PPP6R2: variants seen among roughly 807,000 people sequenced by gnomAD.
PPP6R2 encodes the protein serine/threonine-protein phosphatase 6 regulatory subunit 2.
In PPP6R2, 62 loss-of-function variants were observed where a neutral mutation model predicts 100.2. The observed-to-expected ratio is 0.62, with a 90% CI of 0.50 to 0.76. PPP6R2 has a LOEUF of 0.76. Ranked by LOEUF, PPP6R2 falls within the 30% of genes least tolerant of loss-of-function variation. The pLI is 0.00. For synonymous variants in PPP6R2, 525 were observed against 514.7 expected, an observed-to-expected ratio of 1.02 and a Z score of -0.27; for missense variants, 1,142 against 1,276.3, an observed-to-expected ratio of 0.89 and a Z score of 1.60.
chr22:50,439,719 T>A lies in PPP6R2; in HGVS notation c.2147T>A (p.Val716Glu). The A allele has an allele frequency of 6.2e-7, 1 of 1,606,012 alleles. No individual in the cohort carries two copies. The highest frequency in any genetic ancestry group is 2.2e-5 in the East Asian group (1 of 44,494). Residue 716 changes from valine (V) to glutamate (E), a missense_variant, in exon 20 of 24, where the codon GTG (valine) becomes GAG (glutamate). Val to Glu is a moderately radical substitution (Grantham distance 121, BLOSUM62 -2). Coordinates refer to ENST00000612753, the MANE Select transcript of PPP6R2 (RefSeq NM_001242898.2). ...GDSEGAMWTA[V>E]FDEPANSTPT... Reference sequence around the variant, plus strand: ...CCAGCAGGCGCCATGTGGACGGCAGTGTTTGATGAGCCAGCGAACTCAACG... The same window carrying A: ...CCAGCAGGCGCCATGTGGACGGCAGAGTTTGATGAGCCAGCGAACTCAACG...
In PPP6R2 at chr22:50,357,872, C is replaced by T. The variant is rs145473867; in HGVS notation, c.-147-14148C>T. ...AACTCCTGACCTCGTGATTCGTCCT[C>T]CTTGGCCTTCCAAAGTGCCGGGATT... On this transcript the variant is annotated intron_variant, in intron 1 of 23. Transcript: ENST00000612753. 1.8e-3 allele frequency among the ~76,000 whole-genome samples: 274 copies of T among 152,068 alleles called. 1 individual carries two copies. Among genetic ancestry groups the T allele is most frequent in the African/African-American group, 6.3e-3 (260 of 41,478 alleles).
intron 2 of PPP6R2, among the ~76,000 whole-genome samples, chr22:50,373,636 T>C (rs1388376071): frequency 6.6e-6 from 1 of 152,058 alleles, no homozygotes; most frequent in Admixed American, 6.6e-5. Context: ...ACCACAACCA[T>C]GTACACCTAG....
chr22:50,390,284 G>A (rs927464102), intron 2 of PPP6R2, among the ~76,000 whole-genome samples: 4 of 152,042 alleles, frequency 2.6e-5, no homozygotes, highest in Non-Finnish European at 5.9e-5. Context: ...GAGCCACCGC[G>A]CCCAGCCCAT....
chr22:50,424,625 C>G (rs552941970), intron 10 of PPP6R2, among the ~76,000 whole-genome samples: 1 of 132,252 alleles, frequency 7.6e-6, no homozygotes, highest in South Asian at 2.5e-4. Flanking sequence ...TTCCTTTTCC[C>G]TCTTCTTCTT....
At chr22:50,381,672 G>A (rs1277553613) in intron 2 of PPP6R2, among the ~76,000 whole-genome samples, 1 of 152,200 alleles carries the variant, frequency 6.6e-6, no homozygotes, top group Non-Finnish European at 1.5e-5. Flanking sequence ...TGTAATCCCA[G>A]CACTTTGGGA....
At position 50,440,802 on chromosome 22, in the gene PPP6R2, A is replaced by G. The variant is rs764870126; in HGVS notation, c.2375-20A>G. On this transcript the variant is annotated intron_variant, in intron 21 of 23. Transcript: ENST00000612753. ...GACCCCTCCTGCCTCACTGGACAGC[A>G]CAGGCCTCCTACTTTGCAGTCAGCC... 5.6e-6 allele frequency: 9 copies of G among 1,612,378 alleles called. No individual in the cohort carries two copies. Among genetic ancestry groups the G allele is most frequent in the Non-Finnish European group, 7.6e-6 (9 of 1,179,924 alleles).
chr22:50,409,653 C>G (rs2059463717), intron 4 of PPP6R2, among the ~76,000 whole-genome samples: 1 of 152,214 alleles, frequency 6.6e-6, no homozygotes, highest in South Asian at 2.1e-4. Flanking sequence ...GTCTCAATCT[C>G]TTGACCTCGT....
intron 1 of PPP6R2, among the ~76,000 whole-genome samples, chr22:50,364,902 T>C (rs1453099896): frequency 6.6e-6 from 1 of 152,188 alleles, no homozygotes; most frequent in African/African-American, 2.4e-5. Context: ...CTTTATTCCC[T>C]GTTTGTCTTT....
intron 3 of PPP6R2, among the ~76,000 whole-genome samples, chr22:50,402,075 C>G (rs2058140806): frequency 6.6e-6 from 1 of 152,126 alleles, no homozygotes; most frequent in Non-Finnish European, 1.5e-5. Context: ...GTTCTCTACA[C>G]TTGCTCTCCT....
intron 2 of PPP6R2, among the ~76,000 whole-genome samples, chr22:50,382,481 C>A (rs1269914822): frequency 6.6e-6 from 1 of 150,856 alleles, no homozygotes; most frequent in Non-Finnish European, 1.5e-5. Context: ...GCCTGTAATC[C>A]CAGGCCTGGG....
At chr22:50,419,104 A>G in intron 7 of PPP6R2, 125 bp downstream of exon 7, 1 of 832,384 alleles carries the variant, frequency 1.2e-6, no homozygotes, top group Non-Finnish European at 1.9e-6. Flanking sequence ...AATGAACCCC[A>G]GGTTCAGAGC....
At position 50,444,388 on chromosome 22, in the gene PPP6R2, A is replaced by C; in HGVS notation, c.*141A>C. ...TGCATTGGTAAAGCTGGCAGTTGAA[A>C]CCAGTTGGACGGCCCAGCTTGCGTC... On this transcript the variant is annotated 3_prime_UTR_variant, in exon 24 of 24. Transcript: ENST00000612753. The C allele has an allele frequency of 1.8e-6, 2 of 1,137,652 alleles. No homozygotes were observed. Among genetic ancestry groups the C allele is most frequent in the East Asian group, 2.6e-5 (1 of 38,370 alleles). The allele number at this position is 1,137,652 out of a possible 1,614,324, so 70.5% of individuals were successfully genotyped here.
At chr22:50,355,826 T>A (rs117017854) in intron 1 of PPP6R2, among the ~76,000 whole-genome samples, 13,025 of 151,336 alleles carry the variant, frequency 0.086, 801 homozygotes, top group East Asian at 0.19. Context: ...TGGCACAGCC[T>A]TATTCTTTAA....
At chr22:50,382,963 G>C (rs538369718) in intron 2 of PPP6R2, among the ~76,000 whole-genome samples, 2 of 151,352 alleles carry the variant, frequency 1.3e-5, no homozygotes, top group East Asian at 3.9e-4. Flanking sequence ...TCAGTCTCCC[G>C]AGTAGCTGTG....
chr22:50,414,735 A>C, intron 5 of PPP6R2, 46 bp downstream of exon 5: 4 of 1,589,446 alleles, frequency 2.5e-6, no homozygotes, highest in Non-Finnish European at 3.4e-6. Context: ...GGGGTGCTGC[A>C]GGAAGCCAGC....
At position 50,443,843 on chromosome 22, in the gene PPP6R2, C is replaced by T. The variant is rs182962104; in HGVS notation, c.2580-23C>T. 273 of 1,555,886 alleles carry T rather than the reference C, an allele frequency of 1.8e-4. 1 individual carries two copies. The African/African-American group carries it at 3.0e-3, about 17-fold the overall frequency. ...CACTGAGGGTGGGGGTGCCCGTAAC[C>T]GGAGTCCATGTTTGCCACACAGGGT... On this transcript the variant is annotated intron_variant, in intron 22 of 23. Transcript: ENST00000612753.
At chr22:50,424,695 T>C (rs1011659595) in intron 10 of PPP6R2, among the ~76,000 whole-genome samples, 2 of 135,400 alleles carry the variant, frequency 1.5e-5, no homozygotes, top group African/African-American at 2.7e-5. Flanking sequence ...TGGAGTGCAG[T>C]GGCGGGACCT....
At chr22:50,372,788 A>T (rs2050549376) in intron 2 of PPP6R2, among the ~76,000 whole-genome samples, 1 of 151,528 alleles carries the variant, frequency 6.6e-6, no homozygotes, top group African/African-American at 2.4e-5. Flanking sequence ...TCCCGGGATC[A>T]AGCGATTCTT....
chr22:50,397,225 A>T (rs2057086926), intron 3 of PPP6R2, among the ~76,000 whole-genome samples: 1 of 152,084 alleles, frequency 6.6e-6, no homozygotes, highest in African/African-American at 2.4e-5. Context: ...CATTTAAATT[A>T]CCCTGTGACT....
Sources: allele counts gnomAD v4.1 joint callset (sites outside exome capture counted in the v4.1 genomes callset), GRCh38; gene constraint gnomAD v4.1.1; transcripts MANE v1.5; gene names NCBI Gene and HGNC (gene_info 2026-07-23, HGNC 2026-07-21).